SLC49A4: variants seen among roughly 807,000 people sequenced by gnomAD.
SLC49A4 encodes the protein solute carrier family 49 member 4, also known as disrupted in renal cancer protein 2.
In SLC49A4, 36 loss-of-function variants were observed where a neutral mutation model predicts 50.6. That is an observed-to-expected ratio of 0.71 (90% CI 0.55 to 0.94). The LOEUF (loss-of-function observed/expected upper bound fraction) is 0.94, where lower values mean the gene tolerates loss of function less well. Among genes scored for constraint, SLC49A4 ranks in the 40% least tolerant of loss-of-function variants. The probability of loss-of-function intolerance (pLI) is 0.00; values close to 1 mark genes in which losing one functional copy is unlikely to be tolerated. For missense variants in SLC49A4, 503 were observed against 605.7 expected (o/e 0.83, Z 1.78); for synonymous variants, 248 against 241.2 (o/e 1.03, Z -0.26).
chr3:122,848,175 A>G (rs1936882314), intron 5 of SLC49A4, among the ~76,000 whole-genome samples: 2 of 152,186 alleles, frequency 1.3e-5, no homozygotes, highest in South Asian at 4.1e-4. Flanking sequence ...AATTGATTTT[A>G]TATTTATTAT....
At chr3:122,825,062 G>A (rs1936508227) in intron 2 of SLC49A4, among the ~76,000 whole-genome samples, 1 of 151,952 alleles carries the variant, frequency 6.6e-6, no homozygotes, top group East Asian at 1.9e-4. Flanking sequence ...CAGTCTTTTT[G>A]TTTGTTTGTT....
chr3:122,795,648 G>T, intron 1 of SLC49A4, 113 bp downstream of exon 1: 3 of 1,446,548 alleles, frequency 2.1e-6, no homozygotes, highest in Non-Finnish European at 2.7e-6. Flanking sequence ...GGTTGTGTGA[G>T]GTGATAGAGT....
intron 7 of SLC49A4, among the ~76,000 whole-genome samples, chr3:122,870,102 T>C (rs142043165): frequency 2.8e-4 from 42 of 152,232 alleles, no homozygotes; most frequent in African/African-American, 1.0e-3. Context: ...GATTACAAAT[T>C]GTGTGGAGTA....
intron 2 of SLC49A4, among the ~76,000 whole-genome samples, chr3:122,816,902 C>G (rs1051041061): frequency 6.6e-6 from 1 of 152,136 alleles, no homozygotes; most frequent in African/African-American, 2.4e-5. Flanking sequence ...AATAACAAGG[C>G]CCCAGCTATC....
chr3:122,861,878 G>A lies in SLC49A4; in HGVS notation c.1138+1676G>A, dbSNP rs141312151. Among the ~76,000 whole-genome samples, 600 of 152,310 alleles carry A rather than the reference G, an allele frequency of 3.9e-3. 6 individuals are homozygous for A. Among genetic ancestry groups the A allele is most frequent in the African/African-American group, 0.013 (527 of 41,566 alleles). On this transcript the variant is annotated intron_variant, in intron 7 of 8. Coordinates refer to ENST00000261038, the MANE Select transcript of SLC49A4 (RefSeq NM_032839.3). ...GATCTGCAACATCTGTCAGATACTG[G>A]TTGAACCTCTAGTTCAGAGAAGTTC...
At chr3:122,862,224 T>C (rs957567787) in intron 7 of SLC49A4, among the ~76,000 whole-genome samples, 3 of 152,206 alleles carry the variant, frequency 2.0e-5, no homozygotes, top group African/African-American at 7.2e-5. Context: ...TACATGTTAT[T>C]AAATAGTTTG....
intron 1 of SLC49A4, 21 bp downstream of exon 1, chr3:122,795,556 A>C: frequency 6.4e-7 from 1 of 1,572,020 alleles, no homozygotes; most frequent in Non-Finnish European, 8.6e-7. Flanking sequence ...GCGGAGCGCC[A>C]GCCCGCGCTG....
rs534733806 is a variant in SLC49A4, at chr3:122,795,073, C to G, written c.-120C>G. The G allele has an allele frequency of 1.7e-6, 2 of 1,167,576 alleles. No homozygotes were observed. The highest frequency in any genetic ancestry group is 2.1e-6 in the Non-Finnish European group (2 of 933,594). 72.3% of individuals were successfully genotyped at this position (1,167,576 alleles called of 1,614,324 possible). A position where few individuals can be genotyped will look rare whatever the true frequency, so the allele number is the denominator to read the frequency against. On this transcript the variant is annotated 5_prime_UTR_variant, in exon 1 of 9. Coordinates refer to ENST00000261038, the MANE Select transcript of SLC49A4 (RefSeq NM_032839.3). ...CCGCGCAGGCGCACCAGGCGCGGTC[C>G]GGAGGCCGAGGGCGACCACAGCAGC... is the stretch of plus-strand genomic sequence containing the variant.
intron 5 of SLC49A4, among the ~76,000 whole-genome samples, chr3:122,855,815 G>A (rs1224019677): frequency 6.6e-6 from 1 of 152,152 alleles, no homozygotes; most frequent in African/African-American, 2.4e-5. Context: ...TGACAGGGCT[G>A]GAAATGTTTT....
At chr3:122,813,416 A>G (rs1439755241) in intron 2 of SLC49A4, among the ~76,000 whole-genome samples, 1 of 152,116 alleles carries the variant, frequency 6.6e-6, no homozygotes, top group African/African-American at 2.4e-5. Context: ...CATACAGAGA[A>G]GTATATACAA....
chr3:122,830,426 A>G (rs1401506746), intron 3 of SLC49A4, among the ~76,000 whole-genome samples: 3 of 152,240 alleles, frequency 2.0e-5, no homozygotes, highest in African/African-American at 4.8e-5. Flanking sequence ...TTACAAAGCT[A>G]TAAGATAGCA....
intron 6 of SLC49A4, among the ~76,000 whole-genome samples, chr3:122,857,052 A>G (rs1226853522): frequency 6.6e-6 from 1 of 152,154 alleles, no homozygotes; most frequent in Non-Finnish European, 1.5e-5. Context: ...AGGGTTGAGA[A>G]GAAATCATTT....
At chr3:122,831,200 G>T (rs116043503) in intron 3 of SLC49A4, among the ~76,000 whole-genome samples, 1 of 152,032 alleles carries the variant, frequency 6.6e-6, no homozygotes, top group African/African-American at 2.4e-5. Flanking sequence ...TGGTGTAGCC[G>T]CATTGGAAAC....
At chr3:122,819,062 A>G (rs1576295078) in intron 2 of SLC49A4, among the ~76,000 whole-genome samples, 1 of 151,876 alleles carries the variant, frequency 6.6e-6, no homozygotes, top group Non-Finnish European at 1.5e-5. Context: ...TAGCCTGGGT[A>G]ACATAGCAAG....
intron 8 of SLC49A4, among the ~76,000 whole-genome samples, chr3:122,877,474 T>C (rs1342335555): frequency 2.0e-5 from 3 of 152,238 alleles, no homozygotes; most frequent in African/African-American, 7.2e-5. Context: ...ATAGTAACGC[T>C]GAAATAAAAG....
rs1273845124 is a variant in SLC49A4 at position 122,870,808 on chromosome 3, C to T, written c.1139-1607C>T. Among the ~76,000 whole-genome samples the T allele has an allele frequency of 5.0e-5, 7 of 140,208 alleles. No homozygotes were observed. In the East Asian group the frequency reaches 1.0e-3, roughly 21 times the overall value. The allele number at this position is 140,208 out of a possible 152,430, so 92.0% of individuals were successfully genotyped here. A position where few individuals can be genotyped will look rare whatever the true frequency, so the allele number is the denominator to read the frequency against. On this transcript the variant is annotated intron_variant, in intron 7 of 8. Coordinates refer to ENST00000261038, the MANE Select transcript of SLC49A4 (RefSeq NM_032839.3). ...TAGCCTGGGCAACAGAGCAAGACTC[C>T]ATCTCAACAATAATAATAATAATAA...
At chr3:122,871,596 A>G (rs1937197717) in intron 7 of SLC49A4, among the ~76,000 whole-genome samples, 1 of 152,180 alleles carries the variant, frequency 6.6e-6, no homozygotes, top group South Asian at 2.1e-4. Flanking sequence ...ATTAGGATAT[A>G]GGGACATGTT....
chr3:122,839,176 A>G (rs1203627320), intron 4 of SLC49A4, among the ~76,000 whole-genome samples: 2 of 152,202 alleles, frequency 1.3e-5, no homozygotes, highest in Admixed American at 1.3e-4. Context: ...GTTCTGGGAA[A>G]ACTGGCAAGC....
chr3:122,812,798 T>A (rs973377289), intron 2 of SLC49A4, among the ~76,000 whole-genome samples: 2 of 152,198 alleles, frequency 1.3e-5, no homozygotes, highest in African/African-American at 4.8e-5. Context: ...AGCCTCTATT[T>A]AATAAATCTG....
Sources: gnomAD v4.1 joint callset for allele counts (sites outside exome capture counted in the v4.1 genomes callset) on GRCh38, gnomAD v4.1.1 for gene constraint, MANE v1.5 for transcripts, NCBI Gene and HGNC (gene_info 2026-07-23, HGNC 2026-07-21) for gene names.